Variants in SUMF2 observed in about 807,000 individuals in gnomAD.
SUMF2 encodes the protein inactive C-alpha-formylglycine-generating enzyme 2.
In SUMF2, 45 loss-of-function variants were observed where a neutral mutation model predicts 44.8. The observed-to-expected ratio is 1.00, with a 90% CI of 0.79 to 1.29. SUMF2 has a LOEUF of 1.29. SUMF2 is among the 50% of genes most tolerant of loss of function. The probability of loss-of-function intolerance (pLI) is 0.00; values close to 1 mark genes in which losing one functional copy is unlikely to be tolerated. For synonymous variants in SUMF2, 148 were observed against 150.4 expected (o/e 0.98, Z 0.12); for missense variants, 418 against 389.9 (o/e 1.07, Z -0.61).
At chr7:56,071,505 G>T (rs1271605272) in intron 2 of SUMF2, among the ~76,000 whole-genome samples, 1 of 150,838 alleles carries the variant, frequency 6.6e-6, no homozygotes, top group Non-Finnish European at 1.5e-5. Flanking sequence ...ATAAATGATT[G>T]GTTGGGCGCA....
downstream of SUMF2, among the ~76,000 whole-genome samples, chr7:56,085,198 T>G (rs1389329273): frequency 2.0e-5 from 3 of 151,980 alleles, no homozygotes; most frequent in African/African-American, 4.8e-5. Context: ...CGGCTTCATC[T>G]GATCCGCCTG....
chr7:56,079,510 C>G lies in SUMF2; in HGVS notation c.822-18C>G. 1 of 1,607,106 alleles carries G rather than the reference C, an allele frequency of 6.2e-7. No homozygotes were observed. On this transcript the variant is annotated intron_variant, in intron 8 of 8. Coordinates refer to ENST00000434526, the MANE Select transcript of SUMF2 (RefSeq NM_015411.4). Reference sequence around the variant, plus strand: ...TTCTCAGGACGTGTCTGTCCTCTCTCCCCTTCTCTGCTGGCAGGATGGGCA... The same window carrying G: ...TTCTCAGGACGTGTCTGTCCTCTCTGCCCTTCTCTGCTGGCAGGATGGGCA...
chr7:56,065,745 G>A (rs1469041893), intron 1 of SUMF2, among the ~76,000 whole-genome samples: 1 of 151,940 alleles, frequency 6.6e-6, no homozygotes, highest in Non-Finnish European at 1.5e-5. Context: ...AAGCCACCAC[G>A]CCAGGATGAT....
chr7:56,078,102 G>A lies in SUMF2; in HGVS notation c.592G>A (p.Gly198Arg). ...FQPNRTNLWQ[G>R]KFPKGDKAED... ...CTTTACCCTTCCTTTCTCCCATCAG[G>A]GAAAGTTCCCCAAGGGAGACAAAGC... The change falls in exon 7 of 9, where the codon GGA (glycine) becomes AGA (arginine). Residue 198 changes from glycine to arginine, a missense_variant and splice_region_variant. By Grantham distance (125) the Gly-to-Arg change is moderately radical (BLOSUM62 -2). Transcript: ENST00000434526. 1 of 1,608,414 alleles carries A rather than the reference G, an allele frequency of 6.2e-7. No individual in the cohort carries two copies.
At chr7:56,075,268 A>G (rs985277160) in intron 5 of SUMF2, among the ~76,000 whole-genome samples, 7 of 151,980 alleles carry the variant, frequency 4.6e-5, no homozygotes, top group African/African-American at 1.5e-4. Flanking sequence ...GAAAGAACAG[A>G]CATAAAATAT....
At chr7:56,075,183 GT>G (rs372689175) in intron 5 of SUMF2, among the ~76,000 whole-genome samples, 280 of 141,938 alleles carry the variant, frequency 2.0e-3, no homozygotes, top group South Asian at 4.2e-3. Flanking sequence ...GAGGACCAGT[GT>G]TTTTTTTTTT....
chr7:56,082,388 T>G (rs1796047020), downstream of SUMF2: 2 of 626,430 alleles, frequency 3.2e-6, no homozygotes, highest in Non-Finnish European at 5.6e-6. Flanking sequence ...AGGCCAGGAG[T>G]TCGAGACCAG....
chr7:56,075,684 G>A (rs1795493122), intron 5 of SUMF2, among the ~76,000 whole-genome samples: 1 of 146,450 alleles, frequency 6.8e-6, no homozygotes, highest in African/African-American at 2.5e-5. Flanking sequence ...GGGCGACAGA[G>A]TAAGACTCCG....
chr7:56,067,237 T>C (rs1398015591), intron 1 of SUMF2, among the ~76,000 whole-genome samples: 1 of 152,164 alleles, frequency 6.6e-6, no homozygotes, highest in Non-Finnish European at 1.5e-5. Flanking sequence ...AGGACTTGTG[T>C]AGAGGAAGAA....
chr7:56,080,991 A>G (rs1199339427), downstream of SUMF2: 3 of 1,588,812 alleles, frequency 1.9e-6, no homozygotes, highest in East Asian at 6.7e-5. Flanking sequence ...CACCCCTTTG[A>G]CTTGTATTTC....
intron 2 of SUMF2, among the ~76,000 whole-genome samples, chr7:56,072,121 CAAAA>C (rs35164639): frequency 1.9e-5 from 1 of 52,774 alleles, no homozygotes. Context: ...GACTCTGTCT[CAAAA>C]AAAAAAAAAA....
chr7:56,082,043 C>T (rs375438215), downstream of SUMF2: 2 of 1,612,358 alleles, frequency 1.2e-6, no homozygotes, highest in African/African-American at 2.7e-5. Context: ...CGCCAGTGCT[C>T]CACCTGGACA....
downstream of SUMF2, chr7:56,081,644 G>A (rs201025938): frequency 3.5e-5 from 57 of 1,613,340 alleles, no homozygotes; most frequent in South Asian, 5.5e-5. The surrounding 1 kb of genome is among the most constrained non-coding windows in gnomAD (Gnocchi z 4.6). Context: ...AACTTCCCCC[G>A]GGGGCTGAAG....
chr7:56,084,160 C>T (rs763943698), downstream of SUMF2: 90 of 1,530,530 alleles, frequency 5.9e-5, no homozygotes, highest in Non-Finnish European at 6.7e-5. Flanking sequence ...TTGCCCTGCC[C>T]TGGGCCCTGA....
downstream of SUMF2, chr7:56,083,105 CAAAAA>C: frequency 1.1e-5 from 5 of 442,858 alleles, no homozygotes; most frequent in Admixed American, 4.8e-5. Context: ...GACTCCATCT[CAAAAA>C]AAAAAAAAAA....
At chr7:56,083,284 G>T (rs781108246), downstream of SUMF2, 1 of 1,613,894 alleles carries the variant, frequency 6.2e-7, no homozygotes, top group Non-Finnish European at 8.5e-7. Flanking sequence ...AGACCTCGCA[G>T]CCTCTCTCCC....
At position 56,073,101 on chromosome 7, in the gene SUMF2, A is replaced by T; in HGVS notation, c.329A>T (p.Gln110Leu). The change falls in exon 3 of 9, where the codon CAG becomes CTG. Residue 110 changes from glutamine (Q) to leucine (L), a missense_variant. By Grantham distance (113) the Gln-to-Leu change is moderately radical. Transcript: ENST00000434526. Reference sequence around the variant, plus strand: ...GATGAGCTGAGAAACAAAGCCACCCAGCCAATGAAGGTGAGAGAACCTGGT... The same window carrying T: ...GATGAGCTGAGAAACAAAGCCACCCTGCCAATGAAGGTGAGAGAACCTGGT... ...VSDELRNKAT[Q>L]PMKSVLWWLP... The T allele has an allele frequency of 6.2e-7, 1 of 1,614,002 alleles. No individual in the cohort carries two copies. The highest frequency in any genetic ancestry group is 8.5e-7 in the Non-Finnish European group (1 of 1,179,856).
downstream of SUMF2, chr7:56,081,747 T>G: frequency 6.2e-7 from 1 of 1,613,404 alleles, no homozygotes; most frequent in Non-Finnish European, 8.5e-7. This position sits in a 1 kb window ranked among gnomAD's most constrained non-coding sequence, Gnocchi z 4.6. Context: ...CCACCAGGAA[T>G]CGGGAGACCT....
chr7:56,077,145 C>G (rs894018718), intron 6 of SUMF2, among the ~76,000 whole-genome samples: 4 of 150,802 alleles, frequency 2.7e-5, no homozygotes, highest in African/African-American at 9.7e-5. Context: ...CTCCCAGGTT[C>G]AAGCGATTCT....
Sources: gnomAD v4.1 joint callset for allele counts (sites outside exome capture counted in the v4.1 genomes callset) on GRCh38, gnomAD v4.1.1 for gene constraint, Gnocchi (gnomAD v3.1) non-coding constraint, MANE v1.5 for transcripts, NCBI Gene and HGNC (gene_info 2026-07-23, HGNC 2026-07-21) for gene names.